Variants in RTN1 observed in about 807,000 individuals in gnomAD.
RTN1 encodes reticulon 1.
Under a neutral mutation model 65.5 loss-of-function variants are expected in RTN1, and 25 were observed. The ratio of observed to expected loss-of-function variants is 0.38; its 90% CI spans 0.28 to 0.53. The LOEUF (loss-of-function observed/expected upper bound fraction) is 0.53. Among genes scored for constraint, RTN1 ranks in the 20% least tolerant of loss-of-function variants. The pLI is 0.79. For missense variants in RTN1, 983 were observed against 1,025.4 expected (o/e 0.96, Z 0.57); for synonymous variants, 471 against 447.6 (o/e 1.05, Z -0.66).
chr14:59,775,039 G>A lies in RTN1; in HGVS notation c.242-28558C>T, dbSNP rs577430601. Among the ~76,000 whole-genome samples the A allele has an allele frequency of 3.9e-5, 6 of 152,228 alleles. No homozygotes were observed. The South Asian group carries it at 1.0e-3, about 26-fold the overall frequency. Reference sequence around the variant, plus strand: ...CTCTGCCACATTATAAGGTATTACCGGGATGTAGTTGTCCAGCTAGGGAGT... The same window carrying A: ...CTCTGCCACATTATAAGGTATTACCAGGATGTAGTTGTCCAGCTAGGGAGT... On this transcript the variant is annotated intron_variant, in intron 1 of 8. Coordinates refer to ENST00000267484, the MANE Select transcript of RTN1 (RefSeq NM_021136.3).
At chr14:59,732,946 G>C (rs1009299879) in intron 2 of RTN1, among the ~76,000 whole-genome samples, 8 of 152,088 alleles carry the variant, frequency 5.3e-5, no homozygotes, top group Non-Finnish European at 8.8e-5. Context: ...GTGGGAGTGG[G>C]GGTCACCATC....
At chr14:59,708,425 C>T (rs904244656) in intron 3 of RTN1, among the ~76,000 whole-genome samples, 2 of 152,234 alleles carry the variant, frequency 1.3e-5, no homozygotes, top group Non-Finnish European at 2.9e-5. Flanking sequence ...GGTGTAAACA[C>T]ACAGCTTGTT....
intron 3 of RTN1, among the ~76,000 whole-genome samples, chr14:59,684,410 T>C (rs1258968936): frequency 2.0e-5 from 3 of 152,084 alleles, no homozygotes; most frequent in Admixed American, 2.0e-4. Context: ...CACAGGATGG[T>C]TCTAAAATTT....
At chr14:59,791,942 T>C (rs183256927) in intron 1 of RTN1, among the ~76,000 whole-genome samples, 3 of 152,182 alleles carry the variant, frequency 2.0e-5, no homozygotes, top group Admixed American at 6.5e-5. Flanking sequence ...AACAGATTGC[T>C]TCTCTCTAAA....
intron 3 of RTN1, chr14:59,630,856 G>C (rs576159238): frequency 1.0e-6 from 1 of 997,424 alleles, no homozygotes; most frequent in South Asian, 4.7e-5. Context: ...GGGAGGTTTG[G>C]GAGGAGGGGA....
At chr14:59,764,850 T>A (rs2139551717) in intron 1 of RTN1, among the ~76,000 whole-genome samples, 1 of 152,306 alleles carries the variant, frequency 6.6e-6, no homozygotes, top group Admixed American at 6.5e-5. Flanking sequence ...CATTTCAGTA[T>A]ATAAGGATCT....
At chr14:59,645,412 T>C (rs1950778) in intron 3 of RTN1, among the ~76,000 whole-genome samples, 60,783 of 150,964 alleles carry the variant, frequency 0.4, 12,790 homozygotes, top group African/African-American at 0.51. Flanking sequence ...ATGTTTTCTA[T>C]ATGTTACATG....
chr14:59,789,313 C>T (rs1272130745), intron 1 of RTN1, among the ~76,000 whole-genome samples: 6 of 151,998 alleles, frequency 3.9e-5, no homozygotes, highest in African/African-American at 1.4e-4. Context: ...AATGGGAGAA[C>T]ATTTAATGTT....
At chr14:59,677,146 C>G (rs916923305) in intron 3 of RTN1, among the ~76,000 whole-genome samples, 1 of 152,228 alleles carries the variant, frequency 6.6e-6, no homozygotes, top group Non-Finnish European at 1.5e-5. Flanking sequence ...CTTTCTGACC[C>G]TCTTCTTCCA....
chr14:59,823,840 A>C (rs1055549219), intron 1 of RTN1, among the ~76,000 whole-genome samples: 1 of 152,234 alleles, frequency 6.6e-6, no homozygotes, highest in Non-Finnish European at 1.5e-5. Context: ...TTTGGTGGAC[A>C]ATATCCTCAA....
chr14:59,630,409 G>A (rs770982479), intron 3 of RTN1: 2 of 1,612,510 alleles, frequency 1.2e-6, no homozygotes, highest in South Asian at 2.2e-5. Context: ...GGTTTCCCGT[G>A]CGCCTCAGGC....
intron 1 of RTN1, among the ~76,000 whole-genome samples, chr14:59,852,285 T>C (rs978564121): frequency 2.6e-5 from 4 of 152,224 alleles, no homozygotes; most frequent in Non-Finnish European, 2.9e-5. Flanking sequence ...GGTATGTTCA[T>C]ATATAAATAA....
At chr14:59,850,964 T>C (rs1415664768) in intron 1 of RTN1, among the ~76,000 whole-genome samples, 2 of 152,362 alleles carry the variant, frequency 1.3e-5, no homozygotes, top group Admixed American at 6.5e-5. Context: ...ACTAAGAAAG[T>C]TGACTGAATT....
chr14:59,771,044 CAA>C (rs113697863), intron 1 of RTN1, among the ~76,000 whole-genome samples: 4 of 115,142 alleles, frequency 3.5e-5, no homozygotes, highest in Admixed American at 8.8e-5. Context: ...GACTCCGTCT[CAA>C]AAAAAAAAAA....
intron 1 of RTN1, among the ~76,000 whole-genome samples, chr14:59,752,517 A>T (rs1359017549): frequency 6.6e-6 from 1 of 152,160 alleles, no homozygotes; most frequent in African/African-American, 2.4e-5. Context: ...AAACATTCAG[A>T]TCACAACACT....
At chr14:59,667,259 C>T (rs932493218) in intron 3 of RTN1, among the ~76,000 whole-genome samples, 1 of 152,138 alleles carries the variant, frequency 6.6e-6, no homozygotes, top group African/African-American at 2.4e-5. Flanking sequence ...AGCTTATCCA[C>T]CACGATCAAG....
intron 3 of RTN1, among the ~76,000 whole-genome samples, chr14:59,710,435 C>A (rs1370908588): frequency 6.6e-6 from 1 of 152,170 alleles, no homozygotes; most frequent in East Asian, 1.9e-4. Context: ...AGAGAAGTTC[C>A]CCAAATGGTT....
chr14:59,692,432 A>G (rs2140228839), intron 3 of RTN1, among the ~76,000 whole-genome samples: 1 of 152,336 alleles, frequency 6.6e-6, no homozygotes, highest in East Asian at 1.9e-4. Context: ...AAAAATGGAA[A>G]AGTATTTCAT....
At chr14:59,603,158 A>G (rs1205550022) in intron 7 of RTN1, 35 bp from the exon 8 acceptor site, 2 of 1,611,950 alleles carry the variant, frequency 1.2e-6, no homozygotes, top group African/African-American at 2.7e-5. Context: ...GAGCATATCC[A>G]AAGATGATGA....
Sources: allele counts gnomAD v4.1 joint callset (sites outside exome capture counted in the v4.1 genomes callset), GRCh38; gene constraint gnomAD v4.1.1; transcripts MANE v1.5; gene names NCBI Gene and HGNC (gene_info 2026-07-23, HGNC 2026-07-21).